Variants in KLHL32 observed in about 807,000 individuals in gnomAD.
KLHL32 encodes kelch-like protein 32.
KLHL32 carries 35 observed loss-of-function variants against 64.8 expected under a neutral mutation model. The ratio of observed to expected loss-of-function variants is 0.54; its 90% CI spans 0.41 to 0.72. The LOEUF is 0.72. Among genes scored for constraint, KLHL32 ranks in the 30% least tolerant of loss-of-function variants. The pLI is 0.00. For synonymous variants in KLHL32, 259 were observed against 281.0 expected (o/e 0.92, Z 0.78); for missense variants, 589 against 768.5 (o/e 0.77, Z 2.76).
At chr6:96,962,431 G>T (rs1338330789) in intron 1 of KLHL32, among the ~76,000 whole-genome samples, 1 of 152,160 alleles carries the variant, frequency 6.6e-6, no homozygotes, top group African/African-American at 2.4e-5. Context: ...GGGGGTTAAT[G>T]CCCAGCTTCC....
chr6:97,052,478 A>G (rs1449126779), intron 4 of KLHL32, among the ~76,000 whole-genome samples: 4 of 152,256 alleles, frequency 2.6e-5, no homozygotes, highest in South Asian at 4.1e-4. Flanking sequence ...GAATGTGTTT[A>G]TATGTAAAAC....
At chr6:97,050,768 C>T (rs1169620479) in intron 4 of KLHL32, among the ~76,000 whole-genome samples, 5 of 151,956 alleles carry the variant, frequency 3.3e-5, no homozygotes, top group African/African-American at 9.7e-5. Context: ...TTTGGGAGGC[C>T]GAGGTGGGCA....
upstream of KLHL32, among the ~76,000 whole-genome samples, chr6:96,924,128 G>C (rs1002383545): frequency 1.3e-5 from 2 of 152,206 alleles, no homozygotes; most frequent in African/African-American, 4.8e-5. Flanking sequence ...CTGTGAATTT[G>C]TTCTGGTCAG....
At chr6:96,982,203 C>G (rs987210121) in intron 3 of KLHL32, among the ~76,000 whole-genome samples, 3 of 152,026 alleles carry the variant, frequency 2.0e-5, no homozygotes, top group Non-Finnish European at 4.4e-5. Flanking sequence ...TTATAGGTCC[C>G]CAAGAATTCT....
intron 3 of KLHL32, among the ~76,000 whole-genome samples, chr6:97,034,585 A>G (rs1784029441): frequency 1.3e-5 from 2 of 151,956 alleles, no homozygotes; most frequent in Non-Finnish European, 2.9e-5. Context: ...TGTTGAATGT[A>G]TAGATCATTT....
intron 3 of KLHL32, among the ~76,000 whole-genome samples, chr6:96,976,720 T>C (rs566185560): frequency 6.6e-6 from 1 of 152,262 alleles, no homozygotes; most frequent in East Asian, 1.9e-4. Flanking sequence ...TGCCTTAGCC[T>C]CCTGAGTAGC....
intron 6 of KLHL32, among the ~76,000 whole-genome samples, chr6:97,088,783 A>G (rs1053540922): frequency 3.3e-5 from 5 of 152,356 alleles, no homozygotes; most frequent in African/African-American, 1.2e-4. Context: ...TCATAAAAAA[A>G]ACTTAGAACA....
At chr6:97,134,421 A>G (rs937161364) in intron 10 of KLHL32, among the ~76,000 whole-genome samples, 3 of 152,178 alleles carry the variant, frequency 2.0e-5, no homozygotes, top group Non-Finnish European at 4.4e-5. Context: ...TTTTCTCTCA[A>G]AGAGTGCTTC....
At chr6:96,966,827 G>A (rs992036558) in intron 1 of KLHL32, among the ~76,000 whole-genome samples, 169 bp from the exon 2 acceptor site, 10 of 152,284 alleles carry the variant, frequency 6.6e-5, no homozygotes, top group African/African-American at 2.2e-4. Flanking sequence ...AAAATATCCA[G>A]AACAATTACT....
At chr6:97,042,163 CAA>C (rs1183931045) in intron 4 of KLHL32, among the ~76,000 whole-genome samples, 1 of 152,188 alleles carries the variant, frequency 6.6e-6, no homozygotes, top group African/African-American at 2.4e-5. Context: ...TAAATCAATT[CAA>C]ATACAGACTG....
intron 4 of KLHL32, among the ~76,000 whole-genome samples, chr6:97,058,209 G>A (rs995808357): frequency 6.6e-6 from 1 of 151,968 alleles, no homozygotes; most frequent in Non-Finnish European, 1.5e-5. Context: ...CTTCAACATC[G>A]TGTTGGCTAT....
At chr6:96,988,499 G>T (rs1422012525) in intron 3 of KLHL32, among the ~76,000 whole-genome samples, 3 of 152,160 alleles carry the variant, frequency 2.0e-5, no homozygotes. Context: ...CTTTTACACT[G>T]TTGGTGGGAC....
At chr6:97,025,687 C>T (rs76697681) in intron 3 of KLHL32, among the ~76,000 whole-genome samples, 9,509 of 152,156 alleles carry the variant, frequency 0.062, 616 homozygotes, top group African/African-American at 0.16. Flanking sequence ...GAGGGAGGCA[C>T]CTGAGTAGGC....
At chr6:97,111,030 TG>T (rs374394888) in intron 6 of KLHL32, among the ~76,000 whole-genome samples, 1,965 of 142,756 alleles carry the variant, frequency 0.014, 13 homozygotes, top group African/African-American at 0.017. Flanking sequence ...AGAAAAGTCT[TG>T]GGGGGGGGGG....
At chr6:97,014,654 G>C (rs569036626) in intron 3 of KLHL32, among the ~76,000 whole-genome samples, 1 of 152,282 alleles carries the variant, frequency 6.6e-6, no homozygotes, top group South Asian at 2.1e-4. Flanking sequence ...CCATGCAACA[G>C]TTCTCTGAGG....
rs537759509 is a variant in KLHL32, at chr6:97,091,450, A to G, written c.627+6109A>G. Among the ~76,000 whole-genome samples the G allele has an allele frequency of 3.3e-5, 5 of 152,296 alleles. No homozygotes were observed. In the East Asian group the frequency reaches 7.7e-4, roughly 24 times the overall value. On this transcript the variant is annotated intron_variant, in intron 6 of 10. Coordinates refer to ENST00000369261, the MANE Select transcript of KLHL32 (RefSeq NM_052904.4). ...CTGTGGGGTACTACTATTGCCTGCC[A>G]TATGATGGGTGCTGGGTAGTCAGTA...
At chr6:97,103,253 A>G (rs1405938900) in intron 6 of KLHL32, among the ~76,000 whole-genome samples, 1 of 142,008 alleles carries the variant, frequency 7.0e-6, no homozygotes, top group Non-Finnish European at 1.5e-5. Context: ...TCGCTCTGTC[A>G]CCCAGGCTGG....
upstream of KLHL32, among the ~76,000 whole-genome samples, chr6:96,920,302 G>A (rs979710981): frequency 6.6e-6 from 1 of 152,158 alleles, no homozygotes; most frequent in Non-Finnish European, 1.5e-5. Flanking sequence ...ATTCAACTAA[G>A]ACCTATACAA....
chr6:96,931,516 C>T (rs763591609), intron 1 of KLHL32, among the ~76,000 whole-genome samples: 1 of 152,158 alleles, frequency 6.6e-6, no homozygotes, highest in Non-Finnish European at 1.5e-5. Flanking sequence ...AAATAAAATA[C>T]TTTTTCTTGT....
Sources: allele counts gnomAD v4.1 joint callset (sites outside exome capture counted in the v4.1 genomes callset), GRCh38; gene constraint gnomAD v4.1.1; transcripts MANE v1.5; gene names NCBI Gene and HGNC (gene_info 2026-07-23, HGNC 2026-07-21).